AGAP1: variants seen among roughly 807,000 people sequenced by gnomAD.
AGAP1 encodes the protein ArfGAP with GTPase domain, ankyrin repeat and PH domain 1, also known as arf-GAP with GTPase, ANK repeat and PH domain-containing protein 1.
AGAP1 carries 29 observed loss-of-function variants against 105.3 expected under a neutral mutation model. The observed-to-expected ratio is 0.28, with a 90% CI of 0.21 to 0.38. The LOEUF is 0.38. Ranked by LOEUF, AGAP1 falls within the 10% of genes least tolerant of loss-of-function variation. The probability of loss-of-function intolerance (pLI) is 1.00; values close to 1 mark genes in which losing one functional copy is unlikely to be tolerated. For synonymous variants in AGAP1, 509 were observed against 485.9 expected, an observed-to-expected ratio of 1.05 and a Z score of -0.63; for missense variants, 998 against 1,165.1, an observed-to-expected ratio of 0.86 and a Z score of 2.09.
rs915176520 is a variant in AGAP1, at chr2:235,872,230, G to T, written c.1051-11115G>T. 1.3e-5 allele frequency among the ~76,000 whole-genome samples: 2 copies of T among 152,032 alleles called. No homozygotes were observed. Among genetic ancestry groups the T allele is most frequent in the African/African-American group, 4.8e-5 (2 of 41,382 alleles). ...AAGGCACTTAGAGCAGCAGCATCTG[G>T]TTCAGAGTGAGCCCAATATTGCATA... On this transcript the variant is annotated intron_variant, in intron 9 of 17. Coordinates refer to ENST00000304032, the MANE Select transcript of AGAP1 (RefSeq NM_001037131.3). This position sits in a 1 kb window ranked among gnomAD's most constrained non-coding sequence, Gnocchi z 4.5.
chr2:235,819,823 G>A lies in AGAP1; in HGVS notation c.1050+12492G>A, dbSNP rs959103182. 5.9e-5 allele frequency among the ~76,000 whole-genome samples: 9 copies of A among 151,906 alleles called. No individual in the cohort carries two copies. The South Asian group carries it at 1.9e-3, about 32-fold the overall frequency. On this transcript the variant is annotated intron_variant, in intron 9 of 17. Coordinates refer to ENST00000304032, the MANE Select transcript of AGAP1 (RefSeq NM_001037131.3). ...TGTGTACACAGCAGGGAGGGTATTT[G>A]GTAGGCAGGTTGCTGGTGGTAGTAG...
At chr2:235,542,775 C>T (rs948371380) in intron 1 of AGAP1, among the ~76,000 whole-genome samples, 1 of 152,078 alleles carries the variant, frequency 6.6e-6, no homozygotes, top group African/African-American at 2.4e-5. Context: ...TATTTTTGTG[C>T]CAAGCCATTT....
In AGAP1 at chr2:235,992,076, G is replaced by C. The variant is rs536191498; in HGVS notation, c.1645+23453G>C. 6.6e-6 allele frequency among the ~76,000 whole-genome samples: 1 copy of C among 152,228 alleles called. No individual in the cohort carries two copies. The highest frequency in any genetic ancestry group is 2.4e-5 in the African/African-American group (1 of 41,458). ...CTGTCCACAGGACATGGCCGTAGCC[G>C]TGTGTGGAGAAGGGTTGTGATGGTG... On this transcript the variant is annotated intron_variant, in intron 13 of 17. Transcript: ENST00000304032. The surrounding 1 kb of genome is among the most constrained non-coding windows in gnomAD (Gnocchi z 4.8).
rs2051212809 is a variant in AGAP1, at chr2:235,904,562, T to G, written c.1156-4176T>G. Among the ~76,000 whole-genome samples, 2 of 152,166 alleles carry G rather than the reference T, an allele frequency of 1.3e-5. No individual in the cohort carries two copies. Among genetic ancestry groups the G allele is most frequent in the Admixed American group, 1.3e-4 (2 of 15,274 alleles). On this transcript the variant is annotated intron_variant, in intron 10 of 17. Transcript: ENST00000304032. The surrounding 1 kb of genome is among the most constrained non-coding windows in gnomAD (Gnocchi z 4.2). ...AGGGTTTTTCCTCTTTTATCTTCGA[T>G]CAGCATTTTCAACAAGGAACATGGA...
chr2:235,739,052 C>G lies in AGAP1; in HGVS notation c.311-1911C>G, dbSNP rs1952424310. On this transcript the variant is annotated intron_variant, in intron 3 of 17. Coordinates refer to ENST00000304032, the MANE Select transcript of AGAP1 (RefSeq NM_001037131.3). This position sits in a 1 kb window ranked among gnomAD's most constrained non-coding sequence, Gnocchi z 5.3. ...TTAAAGCAGGTTAAAAGAACCTTGGCAGAAATTTCAAATAAGACTGGGTCG... is the reference window on the plus strand; with the variant it reads ...TTAAAGCAGGTTAAAAGAACCTTGGGAGAAATTTCAAATAAGACTGGGTCG... Among the ~76,000 whole-genome samples, 1 of 152,176 alleles carries G rather than the reference C, an allele frequency of 6.6e-6. No homozygotes were observed. Among genetic ancestry groups the G allele is most frequent in the African/African-American group, 2.4e-5 (1 of 41,426 alleles).
At chr2:235,710,120 C>T (rs1044729344) in intron 2 of AGAP1, among the ~76,000 whole-genome samples, 3 of 152,196 alleles carry the variant, frequency 2.0e-5, no homozygotes, top group African/African-American at 7.2e-5. Flanking sequence ...CATGGGCCTG[C>T]CTAGTGTGTC....
intron 1 of AGAP1, among the ~76,000 whole-genome samples, chr2:235,508,014 T>A (rs1941900483): frequency 6.6e-6 from 1 of 152,136 alleles, no homozygotes; most frequent in South Asian, 2.1e-4. Context: ...AATGTTGAGC[T>A]CAAGTGAGAC....
At position 235,506,764 on chromosome 2, in the gene AGAP1, C is replaced by A. The variant is rs903414545; in HGVS notation, c.163+11915C>A. Among the ~76,000 whole-genome samples, 8 of 152,300 alleles carry A rather than the reference C, an allele frequency of 5.3e-5. No homozygotes were observed. In the East Asian group the frequency reaches 1.5e-3, roughly 29 times the overall value. ...AGCACACACTCTTGTTTTCCTCACT[C>A]ACATCCATGTTCATCCTCTTTCCTG... On this transcript the variant is annotated intron_variant, in intron 1 of 17. Transcript: ENST00000304032.
rs181872025 is a variant in AGAP1 at position 235,789,319 on chromosome 2, A to C, written c.674-8440A>C. Among the ~76,000 whole-genome samples, 1 of 152,174 alleles carries C rather than the reference A, an allele frequency of 6.6e-6. No individual in the cohort carries two copies. Among genetic ancestry groups the C allele is most frequent in the Non-Finnish European group, 1.5e-5 (1 of 68,036 alleles). Reference sequence around the variant, plus strand: ...TCTGAAATTAACGTCAGCAGCCTTGACTTTGCTCTGTCCTGAAGGTAACTG... The same window carrying C: ...TCTGAAATTAACGTCAGCAGCCTTGCCTTTGCTCTGTCCTGAAGGTAACTG... On this transcript the variant is annotated intron_variant, in intron 6 of 17. Coordinates refer to ENST00000304032, the MANE Select transcript of AGAP1 (RefSeq NM_001037131.3). The surrounding 1 kb of genome is among the most constrained non-coding windows in gnomAD (Gnocchi z 4.2).
In AGAP1 at chr2:235,522,157, C is replaced by A. The variant is rs143793432; in HGVS notation, c.163+27308C>A. On this transcript the variant is annotated intron_variant, in intron 1 of 17. Coordinates refer to ENST00000304032, the MANE Select transcript of AGAP1 (RefSeq NM_001037131.3). The stretch of plus-strand genomic sequence containing the variant: ...GTTTAGGGGTGATGAGGCTTCCTGG[C>A]AGTTCCTTAAACGTCAGTAAACATT... Among the ~76,000 whole-genome samples the A allele has an allele frequency of 1.1e-3, 173 of 152,302 alleles. 1 individual carries two copies. The highest frequency in any genetic ancestry group is 3.8e-3 in the African/African-American group (156 of 41,560).
Position 235,968,592 on chromosome 2 carries a change from C to G in AGAP1, c.1614C>G (p.Phe538Leu). The G allele has an allele frequency of 6.5e-7, 1 of 1,538,496 alleles. No individual in the cohort carries two copies. The highest frequency in any genetic ancestry group is 8.8e-7 in the Non-Finnish European group (1 of 1,133,482). ...GAAGGAAGAAAAGCACTAGCAACTTCAAAGCCGACGGCCTGTCCGGCACTG... is the reference window on the plus strand; with the variant it reads ...GAAGGAAGAAAAGCACTAGCAACTTGAAAGCCGACGGCCTGTCCGGCACTG... ...KHRRKKSTSNFKADGLSGTAE... is the reference protein window; with the variant it reads ...KHRRKKSTSNLKADGLSGTAE... Residue 538 changes from phenylalanine (F) to leucine (L), a missense_variant, in exon 13 of 18, where the codon TTC becomes TTG. By Grantham distance (22) the Phe-to-Leu change is conservative. Around this residue, in one of 3 missense-constraint regions of AGAP1, gnomAD observed 735 missense variants for 833.4 expected, o/e 0.88. Coordinates refer to ENST00000304032, the MANE Select transcript of AGAP1 (RefSeq NM_001037131.3).
intron 1 of AGAP1, among the ~76,000 whole-genome samples, chr2:235,540,888 C>T (rs753703485): frequency 6.6e-6 from 1 of 152,080 alleles, no homozygotes; most frequent in African/African-American, 2.4e-5. Context: ...CAAAAAGTTG[C>T]AGATTTGGAG....
rs1028721921 is a variant in AGAP1 at position 236,114,100 on chromosome 2, C to T, written c.2115-6092C>T. ...CCCCTCCTTTCTGCTGACGGCCGGC[C>T]GCGCCAATAATTCATTTTTTAGCTC... On this transcript the variant is annotated intron_variant, in intron 16 of 17. Coordinates refer to ENST00000304032, the MANE Select transcript of AGAP1 (RefSeq NM_001037131.3). This position sits in a 1 kb window ranked among gnomAD's most constrained non-coding sequence, Gnocchi z 5.0. 1.3e-5 allele frequency among the ~76,000 whole-genome samples: 2 copies of T among 152,034 alleles called. No individual in the cohort carries two copies. Among genetic ancestry groups the T allele is most frequent in the Non-Finnish European group, 2.9e-5 (2 of 68,016 alleles).
Position 236,087,147 on chromosome 2 carries a change from C to T in AGAP1, c.2115-33045C>T, listed in dbSNP as rs193042354. 2.0e-5 allele frequency among the ~76,000 whole-genome samples: 3 copies of T among 152,288 alleles called. No homozygotes were observed. Among genetic ancestry groups the T allele is most frequent in the African/African-American group, 4.8e-5 (2 of 41,568 alleles). On this transcript the variant is annotated intron_variant, in intron 16 of 17. Transcript: ENST00000304032. This position sits in a 1 kb window ranked among gnomAD's most constrained non-coding sequence, Gnocchi z 5.7. ...AACAGAGCTGAAAAGGAAGAAGGCCCATTTGCTTCTGGGAATCCAATAAAT... is the reference window on the plus strand; with the variant it reads ...AACAGAGCTGAAAAGGAAGAAGGCCTATTTGCTTCTGGGAATCCAATAAAT...
chr2:235,749,709 A>C (rs1447799097), intron 5 of AGAP1, among the ~76,000 whole-genome samples: 1 of 152,178 alleles, frequency 6.6e-6, no homozygotes, highest in Non-Finnish European at 1.5e-5. Context: ...TAAAACCCAG[A>C]GTCACCCAAG....
rs1182962738 is a variant in AGAP1, at chr2:235,951,368, G to A, written c.1484-17094G>A. Among the ~76,000 whole-genome samples, 2 of 151,744 alleles carry A rather than the reference G, an allele frequency of 1.3e-5. No individual in the cohort carries two copies. Among genetic ancestry groups the A allele is most frequent in the African/African-American group, 2.4e-5 (1 of 40,998 alleles). On this transcript the variant is annotated intron_variant, in intron 12 of 17. Coordinates refer to ENST00000304032, the MANE Select transcript of AGAP1 (RefSeq NM_001037131.3). This position sits in a 1 kb window ranked among gnomAD's most constrained non-coding sequence, Gnocchi z 4.2. ...TCCAGCAGTTACCAGCCCCAGGTACGATTATGGACAATGCTGTCAGTCATC... is the reference window on the plus strand; with the variant it reads ...TCCAGCAGTTACCAGCCCCAGGTACAATTATGGACAATGCTGTCAGTCATC...
rs1015209531 is a variant in AGAP1, at chr2:236,123,861, G to A, written c.2371-58G>A. 35 of 1,600,054 alleles carry A rather than the reference G, an allele frequency of 2.2e-5. No homozygotes were observed. Among genetic ancestry groups the A allele is most frequent in the Non-Finnish European group, 3.0e-5 (35 of 1,171,154 alleles). ...GCAAGGGCTGAGAGAAAGCTTCCCT[G>A]CCCCCTCCCTCCATCACATCCCCCA... is the stretch of plus-strand genomic sequence containing the variant. On this transcript the variant is annotated intron_variant, in intron 17 of 17. Coordinates refer to ENST00000304032, the MANE Select transcript of AGAP1 (RefSeq NM_001037131.3). This position sits in a 1 kb window ranked among gnomAD's most constrained non-coding sequence, Gnocchi z 4.6.
intron 9 of AGAP1, among the ~76,000 whole-genome samples, chr2:235,818,973 G>A (rs1217994062): frequency 1.3e-5 from 2 of 152,246 alleles, no homozygotes; most frequent in Admixed American, 6.5e-5. Flanking sequence ...GGCTGTCCTG[G>A]AAAGTCTGTG....
chr2:235,768,807 C>T (rs918991149), intron 6 of AGAP1, among the ~76,000 whole-genome samples: 17 of 152,164 alleles, frequency 1.1e-4, no homozygotes, highest in African/African-American at 3.1e-4. Context: ...ACAGTGTTGT[C>T]GGGGATCTGG....
Sources: allele counts gnomAD v4.1 joint callset (sites outside exome capture counted in the v4.1 genomes callset), GRCh38; gene constraint gnomAD v4.1.1; regional missense constraint gnomAD v4.1.1; non-coding constraint Gnocchi (gnomAD v3.1); transcripts MANE v1.5; gene names NCBI Gene and HGNC (gene_info 2026-07-23, HGNC 2026-07-21).